Variants in MTHFD2L observed in about 807,000 individuals in gnomAD.
The protein encoded by MTHFD2L is methylenetetrahydrofolate dehydrogenase (NADP+ dependent) 2 like.
Under a neutral mutation model 34.9 loss-of-function variants are expected in MTHFD2L, and 29 were observed. The observed-to-expected ratio is 0.83, with a 90% CI of 0.62 to 1.13. MTHFD2L has a LOEUF of 1.13. Among genes scored for constraint, MTHFD2L ranks in the 50% most tolerant of loss-of-function variants. The pLI, the probability that MTHFD2L is intolerant of heterozygous loss-of-function variation, is 0.00. For synonymous variants in MTHFD2L, 167 were observed against 155.7 expected, an observed-to-expected ratio of 1.07 and a Z score of -0.54; for missense variants, 481 against 446.5, an observed-to-expected ratio of 1.08 and a Z score of -0.70.
chr4:74,264,407 C>G (rs1234062189), intron 6 of MTHFD2L, among the ~76,000 whole-genome samples: 1 of 151,826 alleles, frequency 6.6e-6, no homozygotes, highest in African/African-American at 2.4e-5. Flanking sequence ...TCAACCCCTC[C>G]AACCCAAGAA....
At position 74,116,070 on chromosome 4, in the gene MTHFD2L, ACT is replaced by A. The variant is rs1001408787; in HGVS notation, c.-144+1416_-144+1417del. Among the ~76,000 whole-genome samples the A allele has an allele frequency of 5.9e-5, 9 of 152,152 alleles. No homozygotes were observed. The East Asian group carries it at 1.5e-3, about 26-fold the overall frequency. On this transcript the variant is annotated intron_variant and NMD_transcript_variant, in intron 2 of 9. Transcript: ENST00000429519. The stretch of plus-strand genomic sequence containing the variant: ...GTGAATTATCTGCTTATGATTTTTC[ACT>A]CTGATTATTGGAATAATATTCTCCA...
intron 6 of MTHFD2L, among the ~76,000 whole-genome samples, chr4:74,273,457 GA>G (rs1746244793): frequency 1.3e-5 from 2 of 152,028 alleles, no homozygotes; most frequent in South Asian, 2.1e-4. Context: ...TCTTTTAAGG[GA>G]ATAATTTTGA....
intron 6 of MTHFD2L, among the ~76,000 whole-genome samples, chr4:74,268,775 C>A (rs555971480): frequency 6.6e-6 from 1 of 151,958 alleles, no homozygotes; most frequent in Non-Finnish European, 1.5e-5. Context: ...TATCCAGTTG[C>A]GGCTGTAATT....
Position 74,238,261 on chromosome 4 carries a change from G to A in MTHFD2L, c.805+12867G>A, listed in dbSNP as rs534934177. ...GTGGCTTTGGTTCTGAAATAGAGCAGTTCTGAGAAGGAAGGAATGTGTATT... is the reference window on the plus strand; with the variant it reads ...GTGGCTTTGGTTCTGAAATAGAGCAATTCTGAGAAGGAAGGAATGTGTATT... On this transcript the variant is annotated intron_variant, in intron 6 of 7. Transcript: ENST00000325278. 2.0e-5 allele frequency among the ~76,000 whole-genome samples: 3 copies of A among 152,280 alleles called. 1 individual carries two copies. In the South Asian group the frequency reaches 6.2e-4, roughly 32 times the overall value.
intron 3 of MTHFD2L, chr4:74,180,650 C>A: frequency 2.2e-6 from 1 of 447,320 alleles, no homozygotes; most frequent in Non-Finnish European, 4.5e-6. Context: ...TTTAATGGTA[C>A]TGGGACTGTC....
intron 5 of MTHFD2L, among the ~76,000 whole-genome samples, chr4:74,223,221 T>A (rs1005790466): frequency 6.6e-6 from 1 of 151,834 alleles, no homozygotes; most frequent in South Asian, 2.1e-4. Context: ...ATGTGGTGTG[T>A]GTGTGTATAT....
At chr4:74,296,102 A>T (rs1252045558) in intron 7 of MTHFD2L, among the ~76,000 whole-genome samples, 1 of 152,132 alleles carries the variant, frequency 6.6e-6, no homozygotes, top group African/African-American at 2.4e-5. Context: ...ATTGTTACGA[A>T]TCTATCTGGT....
At position 74,205,696 on chromosome 4, in the gene MTHFD2L, G is replaced by A. The variant is rs115507665; in HGVS notation, c.712+4326G>A. 6.2e-3 allele frequency among the ~76,000 whole-genome samples: 939 copies of A among 152,184 alleles called. 14 individuals carry two copies. Among genetic ancestry groups the A allele is most frequent in the African/African-American group, 0.022 (904 of 41,522 alleles). On this transcript the variant is annotated intron_variant, in intron 5 of 7. Coordinates refer to ENST00000325278, the MANE Select transcript of MTHFD2L (RefSeq NM_001144978.3). ...TCAATACAACAAGGAAGCAAGGAAG[G>A]AGTTACCTTCTGGTGAGAACAGACC... is the stretch of plus-strand genomic sequence containing the variant.
intron 3 of MTHFD2L, chr4:74,181,909 T>C (rs1159784443): frequency 3.3e-5 from 5 of 152,120 alleles, no homozygotes; most frequent in Admixed American, 6.6e-5. Context: ...TGTGTATTTG[T>C]CTAAAACTCA....
chr4:74,128,256 A>C (rs563520488), intron 1 of MTHFD2L, among the ~76,000 whole-genome samples: 1 of 152,016 alleles, frequency 6.6e-6, no homozygotes, highest in African/African-American at 2.4e-5. Context: ...TGTAATCTCA[A>C]TTGTCAATTT....
chr4:74,262,389 G>A (rs535307154), intron 6 of MTHFD2L, among the ~76,000 whole-genome samples: 1 of 151,844 alleles, frequency 6.6e-6, no homozygotes, highest in African/African-American at 2.4e-5. Context: ...AAAATAAACA[G>A]AAAAGCTGGA....
At chr4:74,221,475 A>C (rs1465825984) in intron 5 of MTHFD2L, among the ~76,000 whole-genome samples, 1 of 151,650 alleles carries the variant, frequency 6.6e-6, no homozygotes, top group Non-Finnish European at 1.5e-5. Flanking sequence ...TTATTTTTCT[A>C]TCTTTATTTG....
chr4:74,179,759 T>C (rs1729768774), intron 3 of MTHFD2L, among the ~76,000 whole-genome samples: 1 of 152,142 alleles, frequency 6.6e-6, no homozygotes. Flanking sequence ...ATGTAATAAA[T>C]AATTTAAATA....
At chr4:74,135,178 A>G (rs1161212412) in intron 1 of MTHFD2L, among the ~76,000 whole-genome samples, 1 of 152,134 alleles carries the variant, frequency 6.6e-6, no homozygotes, top group South Asian at 2.1e-4. Context: ...ACTGTCAAAG[A>G]TCAAGCATAA....
intron 1 of MTHFD2L, among the ~76,000 whole-genome samples, chr4:74,169,576 G>T (rs746865908): frequency 3.3e-4 from 50 of 152,124 alleles, no homozygotes; most frequent in Non-Finnish European, 1.2e-4. Flanking sequence ...TTTAACAGAT[G>T]AATCTGCTTC....
At chr4:74,172,870 A>G (rs549316572) in intron 1 of MTHFD2L, among the ~76,000 whole-genome samples, 2 of 152,310 alleles carry the variant, frequency 1.3e-5, no homozygotes, top group Middle Eastern at 3.4e-3. Flanking sequence ...AGTTCTACCT[A>G]TACGTCCACA....
chr4:74,204,122 C>T (rs567086822), intron 5 of MTHFD2L, among the ~76,000 whole-genome samples: 2 of 152,224 alleles, frequency 1.3e-5, no homozygotes, highest in Non-Finnish European at 2.9e-5. Context: ...TTCTGGGGAG[C>T]TGGGTTCTGA....
chr4:74,249,826 C>CT (rs1397497043), intron 6 of MTHFD2L, among the ~76,000 whole-genome samples: 1 of 152,156 alleles, frequency 6.6e-6, no homozygotes, highest in East Asian at 1.9e-4. Context: ...TCTTCTGGCT[C>CT]GTAGAGTTTC....
intron 5 of MTHFD2L, among the ~76,000 whole-genome samples, chr4:74,203,990 AC>A (rs1578455352): frequency 6.6e-6 from 1 of 152,006 alleles, no homozygotes; most frequent in African/African-American, 2.4e-5. Flanking sequence ...TTTCTCTTAA[AC>A]CATCCTCATT....
Sources: gnomAD v4.1 joint callset for allele counts (sites outside exome capture counted in the v4.1 genomes callset) on GRCh38, gnomAD v4.1.1 for gene constraint, MANE v1.5 for transcripts, NCBI Gene and HGNC (gene_info 2026-07-23, HGNC 2026-07-21) for gene names.